Variants in ARHGEF18 observed in about 807,000 individuals in gnomAD.
ARHGEF18 encodes the protein Rho/Rac guanine nucleotide exchange factor 18, also known as rho guanine nucleotide exchange factor 18.
In ARHGEF18, 93 loss-of-function variants were observed where a neutral mutation model predicts 155.7. The observed-to-expected ratio is 0.60, with a 90% confidence interval of 0.50 to 0.71. The LOEUF (loss-of-function observed/expected upper bound fraction) is 0.71. Among genes scored for constraint, ARHGEF18 ranks in the 30% least tolerant of loss-of-function variants. The pLI, the probability that ARHGEF18 is intolerant of heterozygous loss-of-function variation, is 0.00. For missense variants in ARHGEF18, 1,593 were observed against 1,816.1 expected (o/e 0.88, Z 2.23); for synonymous variants, 742 against 753.1 (o/e 0.99, Z 0.24).
rs1444630291 is a variant in ARHGEF18, at chr19:7,380,292, C to A, written c.645-625C>A. On this transcript the variant is annotated intron_variant, in intron 7 of 28. Coordinates refer to ENST00000668164, the MANE Select transcript of ARHGEF18 (RefSeq NM_001367823.1). ...AGGAGATCGAGACCATCCTGACTAA[C>A]ATGGTGAAACCCCGTCTCTACTAAA... 1.3e-5 allele frequency among the ~76,000 whole-genome samples: 2 copies of A among 151,720 alleles called. 1 individual carries two copies. The highest frequency in any genetic ancestry group is 4.1e-4 in the South Asian group (2 of 4,824).
At chr19:7,360,686 C>T (rs956676221) in intron 1 of ARHGEF18, among the ~76,000 whole-genome samples, 1 of 152,220 alleles carries the variant, frequency 6.6e-6, no homozygotes, top group Non-Finnish European at 1.5e-5. Context: ...CTCCTCCAGC[C>T]CTAAGGGGAC....
chr19:7,356,680 G>A (rs1969320099), intron 1 of ARHGEF18, among the ~76,000 whole-genome samples: 1 of 152,160 alleles, frequency 6.6e-6, no homozygotes, highest in Non-Finnish European at 1.5e-5. Context: ...TATCATAAAA[G>A]CTGGTCATGC....
chr19:7,355,218 CA>C (rs1969257376), intron 1 of ARHGEF18, among the ~76,000 whole-genome samples: 1 of 152,012 alleles, frequency 6.6e-6, no homozygotes, highest in South Asian at 2.1e-4. Context: ...ATCACAAACC[CA>C]AAAGCACGTG....
chr19:7,469,800 G>T (rs1976902088), intron 27 of ARHGEF18, 104 bp from the exon 28 acceptor site: 2 of 1,400,114 alleles, frequency 1.4e-6, no homozygotes, highest in South Asian at 1.3e-5. Flanking sequence ...CCCGTGGGAA[G>T]TGTCAGGTGG....
chr19:7,408,143 G>T (rs1408742008), intron 10 of ARHGEF18, among the ~76,000 whole-genome samples: 2 of 152,038 alleles, frequency 1.3e-5, no homozygotes, highest in Non-Finnish European at 1.5e-5. Flanking sequence ...TCCAGGCATT[G>T]TGGCTTATGC....
intron 10 of ARHGEF18, among the ~76,000 whole-genome samples, chr19:7,439,061 T>G (rs1974456660): frequency 6.6e-6 from 1 of 151,750 alleles, no homozygotes; most frequent in African/African-American, 2.4e-5. Flanking sequence ...GTATTTTTTA[T>G]TTTTTTTAAG....
chr19:7,474,129 C>A (rs563909146), downstream of ARHGEF18, among the ~76,000 whole-genome samples: 194 of 151,670 alleles, frequency 1.3e-3, no homozygotes, highest in Middle Eastern at 0.027. Context: ...ACCTGAGGTC[C>A]GGAGTTTGAG....
chr19:7,474,237 G>A (rs1294847220), downstream of ARHGEF18, among the ~76,000 whole-genome samples: 2 of 151,766 alleles, frequency 1.3e-5, no homozygotes, highest in East Asian at 3.9e-4. Context: ...TACTCTGGGG[G>A]CTGAGGCAAG....
chr19:7,444,381 G>T lies in ARHGEF18; in HGVS notation c.1538G>T (p.Arg513Leu). 2 of 1,613,646 alleles carry T rather than the reference G, an allele frequency of 1.2e-6. No individual in the cohort carries two copies. The highest frequency in any genetic ancestry group is 1.1e-5 in the South Asian group (1 of 91,078). Residue 513 changes from arginine (R) to leucine (L), a missense_variant, in exon 14 of 29, where the codon CGC becomes CTC. Physicochemically the swap from Arg to Leu is moderately radical, Grantham distance 102. Coordinates refer to ENST00000668164, the MANE Select transcript of ARHGEF18 (RefSeq NM_001367823.1). This position sits in a 1 kb window ranked among gnomAD's most constrained non-coding sequence, Gnocchi z 4.7. Reference protein sequence around the residue: ...SHFLARLKERRQESLEEGSDR... With the variant: ...SHFLARLKERLQESLEEGSDR... ...TTCCTCGCTCGGCTCAAGGAGCGCC[G>T]CCAGGAGTCCCTGGAGGAGGGCAGT...
chr19:7,464,218 A>G (rs113830605), intron 22 of ARHGEF18, among the ~76,000 whole-genome samples: 1 of 151,916 alleles, frequency 6.6e-6, no homozygotes, highest in Non-Finnish European at 1.5e-5. Context: ...TTGTATTTTT[A>G]GTAGAAATGG....
intron 10 of ARHGEF18, among the ~76,000 whole-genome samples, chr19:7,419,325 G>A (rs1466122657): frequency 1.0e-5 from 1 of 96,064 alleles, no homozygotes; most frequent in Non-Finnish European, 1.9e-5. Flanking sequence ...CCCCACACCC[G>A]GGTGTGCCCA....
chr19:7,420,441 C>T (rs553930954), intron 10 of ARHGEF18, among the ~76,000 whole-genome samples: 11 of 152,016 alleles, frequency 7.2e-5, no homozygotes, highest in Middle Eastern at 3.4e-3. Flanking sequence ...CTAGTAGAGA[C>T]GTGGTTTCAT....
intron 19 of ARHGEF18, 134 bp from the exon 20 acceptor site, chr19:7,459,769 C>CCTG (rs2145873611): frequency 1.4e-6 from 1 of 700,028 alleles, no homozygotes; most frequent in African/African-American, 1.8e-5. Context: ...TCCTCGTCCT[C>CCTG]CTGCACCACG....
intron 3 of ARHGEF18, among the ~76,000 whole-genome samples, chr19:7,373,899 A>G (rs1454535416): frequency 2.8e-5 from 4 of 141,180 alleles, no homozygotes; most frequent in Non-Finnish European, 6.0e-5. Flanking sequence ...TGCCCAGGCT[A>G]CAGGCTCACA....
chr19:7,385,108 T>A (rs570824980), intron 10 of ARHGEF18, among the ~76,000 whole-genome samples: 1 of 152,326 alleles, frequency 6.6e-6, no homozygotes, highest in South Asian at 2.1e-4. Context: ...GGGGATGAGC[T>A]GTGCTCAGTC....
intron 11 of ARHGEF18, among the ~76,000 whole-genome samples, 166 bp from the exon 12 acceptor site, chr19:7,441,487 C>T (rs1974640048): frequency 1.3e-5 from 2 of 152,046 alleles, no homozygotes; most frequent in Non-Finnish European, 2.9e-5. Context: ...GCAAATCTCC[C>T]AATTTTTAAA....
chr19:7,432,582 C>T (rs762511331), intron 10 of ARHGEF18, among the ~76,000 whole-genome samples: 1 of 152,136 alleles, frequency 6.6e-6, no homozygotes, highest in Admixed American at 6.6e-5. Flanking sequence ...CTCAAGGGAT[C>T]CTCCTGCCTC....
chr19:7,455,465 T>C (rs915878363), intron 17 of ARHGEF18, among the ~76,000 whole-genome samples: 2 of 152,134 alleles, frequency 1.3e-5, no homozygotes, highest in Admixed American at 6.6e-5. Context: ...TGCATCTATG[T>C]GCAGGAAGCC....
rs1451770292 is a variant in ARHGEF18, at chr19:7,378,050, GC to G, written c.542-342del. Among the ~76,000 whole-genome samples the G allele has an allele frequency of 2.0e-5, 3 of 152,188 alleles. No individual in the cohort carries two copies. The East Asian group carries it at 5.8e-4, about 29-fold the overall frequency. On this transcript the variant is annotated intron_variant, in intron 5 of 28. Coordinates refer to ENST00000668164, the MANE Select transcript of ARHGEF18 (RefSeq NM_001367823.1). ...GGAGGTTGCAGTGAGCTGAGATTGA[GC>G]CATTGCACTCCAGCCAGGGTGACAG...
Sources: allele counts gnomAD v4.1 joint callset (sites outside exome capture counted in the v4.1 genomes callset), GRCh38; gene constraint gnomAD v4.1.1; non-coding constraint Gnocchi (gnomAD v3.1); transcripts MANE v1.5; gene names NCBI Gene and HGNC (gene_info 2026-07-23, HGNC 2026-07-21).